KHDRBS3: variants seen among roughly 807,000 people sequenced by gnomAD.
The protein encoded by KHDRBS3 is KH domain-containing, RNA-binding, signal transduction-associated protein 3.
In KHDRBS3, 23 loss-of-function variants were observed where a neutral mutation model predicts 45.6. The observed-to-expected ratio is 0.50, with a 90% confidence interval of 0.36 to 0.72. The LOEUF is 0.72. Ranked by LOEUF, KHDRBS3 falls within the 30% of genes least tolerant of loss-of-function variation. The probability of loss-of-function intolerance (pLI) is 0.00; values close to 1 mark genes in which losing one functional copy is unlikely to be tolerated. For synonymous variants in KHDRBS3, 162 were observed against 156.5 expected (o/e 1.04, Z -0.26); for missense variants, 352 against 424.8 (o/e 0.83, Z 1.51).
intron 6 of KHDRBS3, among the ~76,000 whole-genome samples, chr8:135,599,427 T>C (rs1480528264): frequency 6.6e-6 from 1 of 152,248 alleles, no homozygotes; most frequent in Non-Finnish European, 1.5e-5. Context: ...TGATACTTAA[T>C]GTTTGACAGA....
chr8:135,637,385 G>A (rs1830858048), intron 7 of KHDRBS3, among the ~76,000 whole-genome samples: 1 of 152,140 alleles, frequency 6.6e-6, no homozygotes, highest in Non-Finnish European at 1.5e-5. Flanking sequence ...GGTCAGTCTA[G>A]AGCAATTACC....
At chr8:135,498,308 C>T (rs1586613013) in intron 1 of KHDRBS3, among the ~76,000 whole-genome samples, 1 of 152,126 alleles carries the variant, frequency 6.6e-6, no homozygotes, top group East Asian at 1.9e-4. Flanking sequence ...TACCGTACTG[C>T]ATTACTTCTC....
intron 5 of KHDRBS3, among the ~76,000 whole-genome samples, chr8:135,565,599 C>G (rs142811941): frequency 0.011 from 1,625 of 152,304 alleles, 26 homozygotes; most frequent in African/African-American, 0.035. Flanking sequence ...TACTTGCAGT[C>G]TGCCCTGTGC....
intron 7 of KHDRBS3, among the ~76,000 whole-genome samples, chr8:135,631,529 T>G (rs1363548412): frequency 1.3e-5 from 2 of 152,146 alleles, no homozygotes; most frequent in Non-Finnish European, 2.9e-5. Context: ...CAGGATCATC[T>G]ACATCCTTGT....
rs1327933652 is a variant in KHDRBS3, at chr8:135,574,292, T to C, written c.612-7586T>C. Among the ~76,000 whole-genome samples, 4 of 152,146 alleles carry C rather than the reference T, an allele frequency of 2.6e-5. No homozygotes were observed. In the East Asian group the frequency reaches 7.7e-4, roughly 29 times the overall value. On this transcript the variant is annotated intron_variant, in intron 5 of 8. Transcript: ENST00000355849. ...CCAGTGTCATCTAAAGCATTGTTAATGCTATTGCTGCTTAATACCACTCCT... is the reference window on the plus strand; with the variant it reads ...CCAGTGTCATCTAAAGCATTGTTAACGCTATTGCTGCTTAATACCACTCCT...
chr8:135,577,953 A>C (rs2130910618), intron 5 of KHDRBS3, among the ~76,000 whole-genome samples: 1 of 152,226 alleles, frequency 6.6e-6, no homozygotes, highest in African/African-American at 2.4e-5. Context: ...GTGGTATCTC[A>C]CTTTTGTTGT....
chr8:135,611,300 C>A (rs938276038), intron 7 of KHDRBS3, among the ~76,000 whole-genome samples: 1 of 151,908 alleles, frequency 6.6e-6, no homozygotes, highest in Non-Finnish European at 1.5e-5. Flanking sequence ...GTGGCTCACA[C>A]AATTAGATAA....
intron 1 of KHDRBS3, among the ~76,000 whole-genome samples, chr8:135,493,360 ATTCT>A (rs1200600912): frequency 5.9e-5 from 9 of 152,042 alleles, no homozygotes; most frequent in Admixed American, 1.3e-4. Flanking sequence ...AAAAGAGGAC[ATTCT>A]TTCTTTTTTT....
chr8:135,493,340 T>C (rs1488111437), intron 1 of KHDRBS3, among the ~76,000 whole-genome samples: 2 of 152,134 alleles, frequency 1.3e-5, no homozygotes, highest in Non-Finnish European at 2.9e-5. Flanking sequence ...CAGTGTAGCA[T>C]AGATATGGTA....
At chr8:135,558,780 T>A (rs903221562) in intron 5 of KHDRBS3, among the ~76,000 whole-genome samples, 2 of 7,162 alleles carry the variant, frequency 2.8e-4, no homozygotes, top group Admixed American at 1.6e-3. Context: ...TACCACAGAT[T>A]TTTTTTTTTG....
At chr8:135,636,411 A>C (rs1563823200) in intron 7 of KHDRBS3, among the ~76,000 whole-genome samples, 1 of 152,212 alleles carries the variant, frequency 6.6e-6, no homozygotes, top group Non-Finnish European at 1.5e-5. Flanking sequence ...CACTGCCTTG[A>C]CTTTTGGTCA....
intron 1 of KHDRBS3, among the ~76,000 whole-genome samples, chr8:135,485,562 A>G (rs1272624320): frequency 6.6e-6 from 1 of 152,060 alleles, no homozygotes; most frequent in Non-Finnish European, 1.5e-5. Context: ...CTTTTTGTCA[A>G]TCCCGTGTTC....
intron 1 of KHDRBS3, among the ~76,000 whole-genome samples, chr8:135,519,750 TG>T (rs1000520604): frequency 6.6e-6 from 1 of 152,216 alleles, no homozygotes; most frequent in Non-Finnish European, 1.5e-5. Context: ...TCCTTTAAAT[TG>T]TAATAATTCT....
intron 1 of KHDRBS3, among the ~76,000 whole-genome samples, chr8:135,505,028 G>C (rs1823919812): frequency 6.6e-6 from 1 of 152,184 alleles, no homozygotes; most frequent in African/African-American, 2.4e-5. Context: ...AGCTCAAAGA[G>C]ATGCTGCAAA....
chr8:135,649,903 A>G (rs1334987706), downstream of KHDRBS3, among the ~76,000 whole-genome samples: 17 of 152,182 alleles, frequency 1.1e-4, no homozygotes, highest in Non-Finnish European at 2.9e-5. Context: ...CCAGATCACT[A>G]TCCGACAGGA....
intron 5 of KHDRBS3, among the ~76,000 whole-genome samples, chr8:135,580,889 A>G (rs1828173720): frequency 6.6e-6 from 1 of 152,188 alleles, no homozygotes; most frequent in Non-Finnish European, 1.5e-5. Flanking sequence ...CTGGGATTAC[A>G]GGCCTGAGCC....
Position 135,647,244 on chromosome 8 carries a change from AG to A in KHDRBS3, c.*161del. On this transcript the variant is annotated 3_prime_UTR_variant, in exon 9 of 9. Coordinates refer to ENST00000355849, the MANE Select transcript of KHDRBS3 (RefSeq NM_006558.3). The stretch of plus-strand genomic sequence containing the variant: ...ACTTTGTTGAAACATCAACCTGGGC[AG>A]AAAAAAAAAAAAAAAGACATGTAAA... 18 of 206,462 alleles carry A rather than the reference AG, an allele frequency of 8.7e-5. No homozygotes were observed. The highest frequency in any genetic ancestry group is 3.8e-4 in the South Asian group (1 of 2,642). The allele number at this position is 206,462 out of a possible 1,614,324, so 12.8% of individuals were successfully genotyped here.
intron 7 of KHDRBS3, among the ~76,000 whole-genome samples, chr8:135,614,612 A>G (rs1829841127): frequency 6.6e-6 from 1 of 151,778 alleles, no homozygotes; most frequent in Non-Finnish European, 1.5e-5. Context: ...CTTCTAACAC[A>G]GTACTATGTA....
At chr8:135,605,643 A>C (rs1441010802) in intron 6 of KHDRBS3, among the ~76,000 whole-genome samples, 1 of 152,192 alleles carries the variant, frequency 6.6e-6, no homozygotes. Flanking sequence ...TCAGCCCTGC[A>C]GAACATACAT....
Sources: gnomAD v4.1 joint callset for allele counts (sites outside exome capture counted in the v4.1 genomes callset) on GRCh38, gnomAD v4.1.1 for gene constraint, MANE v1.5 for transcripts, NCBI Gene and HGNC (gene_info 2026-07-23, HGNC 2026-07-21) for gene names.